MCF2L: variants seen among roughly 807,000 people sequenced by gnomAD.
MCF2L encodes guanine nucleotide exchange factor DBS.
In MCF2L, 97 loss-of-function variants were observed where a neutral mutation model predicts 153.4. That is an observed-to-expected ratio of 0.63 (90% CI 0.54 to 0.75). MCF2L has a LOEUF of 0.75. Ranked by LOEUF, MCF2L falls within the 30% of genes least tolerant of loss-of-function variation. The probability of loss-of-function intolerance (pLI) is 0.00; values close to 1 mark genes in which losing one functional copy is unlikely to be tolerated. For missense variants in MCF2L, 1,347 were observed against 1,495.2 expected (o/e 0.90, Z 1.64); for synonymous variants, 659 against 632.2 (o/e 1.04, Z -0.64).
chr13:113,021,078 ATGTT>A (rs1187965508), intron 2 of MCF2L, among the ~76,000 whole-genome samples: 1 of 151,810 alleles, frequency 6.6e-6, no homozygotes. Context: ...ATAGGTGTGT[ATGTT>A]TGTACATATA....
intron 8 of MCF2L, among the ~76,000 whole-genome samples, chr13:113,067,021 G>A (rs951605460): frequency 8.5e-5 from 13 of 152,264 alleles, no homozygotes; most frequent in South Asian, 4.1e-4. Flanking sequence ...ATGGGGTGCC[G>A]TGACCCACGA....
At chr13:112,999,023 C>T (rs909925576) in intron 1 of MCF2L, among the ~76,000 whole-genome samples, 5 of 152,172 alleles carry the variant, frequency 3.3e-5, no homozygotes, top group Admixed American at 2.6e-4. Context: ...GATGGTTTCC[C>T]GTGTGTGGTT....
intron 2 of MCF2L, among the ~76,000 whole-genome samples, chr13:112,946,978 C>T (rs1488783433): frequency 2.0e-5 from 3 of 152,130 alleles, no homozygotes; most frequent in East Asian, 3.9e-4. Flanking sequence ...CTTTTGGTCT[C>T]GTGCGTCCTA....
intron 2 of MCF2L, among the ~76,000 whole-genome samples, chr13:112,961,295 A>C (rs2081822743): frequency 6.6e-6 from 1 of 152,250 alleles, no homozygotes; most frequent in Admixed American, 6.5e-5. Flanking sequence ...CTGGGCACTA[A>C]TTTGAAAGTG....
rs145218238 is a variant in MCF2L at position 113,074,824 on chromosome 13, G to GA, written c.1117-172dup. Among the ~76,000 whole-genome samples the GA allele has an allele frequency of 8.5e-3, 1,296 of 152,154 alleles. 18 individuals carry two copies. Among genetic ancestry groups the GA allele is most frequent in the African/African-American group, 0.029 (1,215 of 41,528 alleles). ...TTTGCTGGGACCACCACAGCCCCCAGAAGCACTTGCCACAGAACAGCTTCG... is the reference window on the plus strand; with the variant it reads ...TTTGCTGGGACCACCACAGCCCCCAGAAAGCACTTGCCACAGAACAGCTTCG... On this transcript the variant is annotated intron_variant, in intron 10 of 29. Coordinates refer to ENST00000535094, the MANE Select transcript of MCF2L (RefSeq NM_001112732.3). This position sits in a 1 kb window ranked among gnomAD's most constrained non-coding sequence, Gnocchi z 4.2.
chr13:113,047,853 C>T (rs1243025985), intron 4 of MCF2L, among the ~76,000 whole-genome samples: 1 of 152,286 alleles, frequency 6.6e-6, no homozygotes, highest in Non-Finnish European at 1.5e-5. Context: ...CCTCTGCTCA[C>T]GCCTCACTAC....
intron 17 of MCF2L, among the ~76,000 whole-genome samples, chr13:113,082,878 C>A (rs1403330312): frequency 6.6e-6 from 1 of 152,182 alleles, no homozygotes; most frequent in African/African-American, 2.4e-5. Context: ...TCCTGCTGGG[C>A]AGGTGGAAGC....
At chr13:113,090,606 G>A in intron 26 of MCF2L, 1 of 985,474 alleles carries the variant, frequency 1.0e-6, no homozygotes, top group Non-Finnish European at 1.2e-6. Flanking sequence ...GACGTCTAAT[G>A]CCCTGCTCAC....
chr13:112,936,279 C>CAAAAAAAAAAAAAAAAAAA (rs34826552), intron 2 of MCF2L, among the ~76,000 whole-genome samples: 1 of 74,280 alleles, frequency 1.3e-5, no homozygotes, highest in Non-Finnish European at 2.5e-5. Context: ...GACTCTGTCT[C>CAAAAAAAAAAAAAAAAAAA]AAAAAAAAAA....
chr13:112,951,711 G>T lies in MCF2L; in HGVS notation c.169+49340G>T, dbSNP rs545588892. On this transcript the variant is annotated intron_variant, in intron 2 of 29. Transcript: ENST00000375608. The surrounding 1 kb of genome is among the most constrained non-coding windows in gnomAD (Gnocchi z 4.8). The stretch of plus-strand genomic sequence containing the variant: ...GTGTGTCCAGGAGGGGCCACAAGAG[G>T]GTCCTGTGGGTAGAGACAGCCCAGG... Among the ~76,000 whole-genome samples, 1 of 152,192 alleles carries T rather than the reference G, an allele frequency of 6.6e-6. No homozygotes were observed. The highest frequency in any genetic ancestry group is 1.5e-5 in the Non-Finnish European group (1 of 68,034).
chr13:112,944,487 G>T (rs2081614817), intron 2 of MCF2L, among the ~76,000 whole-genome samples: 1 of 151,934 alleles, frequency 6.6e-6, no homozygotes, highest in Non-Finnish European at 1.5e-5. Context: ...TTCCTAGTAT[G>T]CGTTCCAGGA....
intron 2 of MCF2L, among the ~76,000 whole-genome samples, chr13:112,939,906 T>C (rs2081558071): frequency 6.6e-6 from 1 of 151,660 alleles, no homozygotes; most frequent in Non-Finnish European, 1.5e-5. Context: ...GAGGTAGAGG[T>C]TGCAGTGAGC....
intron 1 of MCF2L, chr13:113,009,586 C>CT (rs367910035): frequency 6.6e-6 from 1 of 151,908 alleles, no homozygotes; most frequent in Non-Finnish European, 1.5e-5. Flanking sequence ...CTGTTTATCC[C>CT]CTGACCCACA....
chr13:113,084,067 G>C lies in MCF2L; in HGVS notation c.2061G>C (p.Arg687Ser). 6.2e-7 allele frequency: 1 copy of C among 1,613,300 alleles called. No homozygotes were observed. The highest frequency in any genetic ancestry group is 8.5e-7 in the Non-Finnish European group (1 of 1,179,344). ...PELVGRCFLE[R>S]MEDFQIYEKY... ...TGGTTGGAAGATGCTTTCTGGAGAG[G>C]GTAGGTGGTGTTTTGACGTGTATTT... is the stretch of plus-strand genomic sequence containing the variant. The change falls in exon 18 of 30, where the codon AGG (arginine) becomes AGC (serine). Residue 687 changes from arginine (R) to serine (S), a missense_variant and splice_region_variant. By Grantham distance (110) the Arg-to-Ser change is moderately radical. Around this residue, in one of 3 missense-constraint regions of MCF2L, gnomAD observed 820 missense variants for 921.2 expected, o/e 0.89. Transcript: ENST00000535094.
At chr13:112,979,263 G>A (rs929146727) in intron 1 of MCF2L, 3 of 1,017,510 alleles carry the variant, frequency 2.9e-6, no homozygotes, top group African/African-American at 3.4e-5. Flanking sequence ...ATAAGGCAAG[G>A]AGGTCCAGCC....
Position 113,055,382 on chromosome 13 carries a change from CCACACACACACACACACACACACACA to C in MCF2L, c.370-5173_370-5148del, listed in dbSNP as rs59884971. Among the ~76,000 whole-genome samples, 32 of 15,242 alleles carry C rather than the reference CCACACACACACACACACACACACACA, an allele frequency of 2.1e-3. 2 individuals are homozygous for C. The highest frequency in any genetic ancestry group is 8.0e-3 in the African/African-American group (27 of 3,382). The allele number at this position is 15,242 out of a possible 152,430, so 10.0% of individuals were successfully genotyped here. On this transcript the variant is annotated intron_variant, in intron 4 of 29. Transcript: ENST00000535094. ...CTGGAGACGTGGACCCCCCCCCCCG[CCACACACACACACACACACACACACA>C]CACACACACACACACACACACACAC... is the stretch of plus-strand genomic sequence containing the variant.
chr13:113,065,196 T>A (rs1443073005), intron 7 of MCF2L, 111 bp downstream of exon 7: 9 of 1,364,570 alleles, frequency 6.6e-6, no homozygotes, highest in African/African-American at 1.4e-5. Flanking sequence ...CGGGAGTTTG[T>A]GTCAGCAGCA....
intron 25 of MCF2L, among the ~76,000 whole-genome samples, chr13:113,089,008 G>A (rs991300132): frequency 6.6e-6 from 1 of 152,216 alleles, no homozygotes; most frequent in South Asian, 2.1e-4. Context: ...TGGCTTCGTC[G>A]TGTCTCTTCT....
In MCF2L at chr13:113,064,963, A is replaced by G. The variant is rs1369432489; in HGVS notation, c.634A>G (p.Lys212Glu). 1 of 1,613,096 alleles carries G rather than the reference A, an allele frequency of 6.2e-7. No individual in the cohort carries two copies. The highest frequency in any genetic ancestry group is 8.5e-7 in the Non-Finnish European group (1 of 1,179,960). ...TAIESFALMV[K>E]QTAQMLQSFG... ...CATCGAAAGTTTCGCCCTCATGGTG[A>G]AGCAGACGGCTCAGATGCTGCAGTC... Residue 212 changes from lysine to glutamate, a missense_variant, in exon 7 of 30, where the codon AAG becomes GAG. By Grantham distance (56) the Lys-to-Glu change is moderately conservative. Coordinates refer to ENST00000535094, the MANE Select transcript of MCF2L (RefSeq NM_001112732.3). This position sits in a 1 kb window ranked among gnomAD's most constrained non-coding sequence, Gnocchi z 6.0.
Sources: allele counts gnomAD v4.1 joint callset (sites outside exome capture counted in the v4.1 genomes callset), GRCh38; gene constraint gnomAD v4.1.1; regional missense constraint gnomAD v4.1.1; non-coding constraint Gnocchi (gnomAD v3.1); transcripts MANE v1.5; gene names NCBI Gene and HGNC (gene_info 2026-07-23, HGNC 2026-07-21).